ARFGAP3: variants seen among roughly 807,000 people sequenced by gnomAD.
The protein encoded by ARFGAP3 is ADP-ribosylation factor GTPase-activating protein 3.
In ARFGAP3, 72 loss-of-function variants were observed where a neutral mutation model predicts 75.0. That is an observed-to-expected ratio of 0.96 (90% confidence interval 0.79 to 1.17). ARFGAP3 has a LOEUF of 1.17. Among genes scored for constraint, ARFGAP3 ranks in the 50% most tolerant of loss-of-function variants. The pLI, the probability that ARFGAP3 is intolerant of heterozygous loss-of-function variation, is 0.00. For missense variants in ARFGAP3, 620 were observed against 626.6 expected, an observed-to-expected ratio of 0.99 and a Z score of 0.11; for synonymous variants, 221 against 217.9, an observed-to-expected ratio of 1.01 and a Z score of -0.13.
intron 5 of ARFGAP3, 82 bp downstream of exon 5, chr22:42,834,160 A>T: frequency 7.8e-7 from 1 of 1,288,786 alleles, no homozygotes; most frequent in Non-Finnish European, 1.1e-6. Flanking sequence ...AGCTTAGCCT[A>T]CATCCTAACA....
At chr22:42,830,336 T>A (rs1926230760) in intron 6 of ARFGAP3, among the ~76,000 whole-genome samples, 1 of 152,122 alleles carries the variant, frequency 6.6e-6, no homozygotes, top group African/African-American at 2.4e-5. Context: ...GCTGAGTGCC[T>A]CTCTCTCCTA....
In ARFGAP3 at chr22:42,833,871, G is replaced by A. The variant is rs530877726; in HGVS notation, c.477+371C>T. ...GCAGAGGTTGTAATGAGCTGAGATC[G>A]TGCCACTGCACTCCAGCCTGGGAAA... On this transcript the variant is annotated intron_variant, in intron 5 of 15. Coordinates refer to ENST00000263245, the MANE Select transcript of ARFGAP3 (RefSeq NM_014570.5). 1.1e-4 allele frequency among the ~76,000 whole-genome samples: 16 copies of A among 152,310 alleles called. No individual in the cohort carries two copies. In the South Asian group the frequency reaches 2.7e-3, roughly 26 times the overall value.
In ARFGAP3 at chr22:42,831,639, G is replaced by A; in HGVS notation, c.478-3C>T. On this transcript the variant is annotated splice_polypyrimidine_tract_variant and splice_region_variant and intron_variant, in intron 5 of 15. Transcript: ENST00000263245. ...GATGCCCACGCTGTGTCACTCACCT[G>A]AAACAAGGCGAGAAAAGTCATTAGC... is the stretch of plus-strand genomic sequence containing the variant. The A allele has an allele frequency of 3.7e-6, 6 of 1,613,810 alleles. No homozygotes were observed. Among genetic ancestry groups the A allele is most frequent in the Non-Finnish European group, 5.1e-6 (6 of 1,179,926 alleles).
chr22:42,817,980 A>G, intron 9 of ARFGAP3, 123 bp from the exon 10 acceptor site: 1 of 1,268,534 alleles, frequency 7.9e-7, no homozygotes, highest in East Asian at 2.9e-5. Flanking sequence ...ATAATTAACA[A>G]TTATGAAGGC....
chr22:42,841,562 CTGTAAGATCAAAT>C (rs1926781267), intron 2 of ARFGAP3, among the ~76,000 whole-genome samples: 1 of 152,186 alleles, frequency 6.6e-6, no homozygotes, highest in South Asian at 2.1e-4. Flanking sequence ...CTTCTCTCCA[CTGTAAGATCAAAT>C]CTGAAACAAG....
chr22:42,806,989 T>G (rs1925151662), intron 14 of ARFGAP3, 84 bp downstream of exon 14: 1 of 1,319,714 alleles, frequency 7.6e-7, no homozygotes, highest in Non-Finnish European at 1.0e-6. Flanking sequence ...TAAAATATCT[T>G]GGAAAAGGAA....
Position 42,826,972 on chromosome 22 carries a change from TC to T in ARFGAP3, c.592del (p.Glu198LysfsTer11). 6.2e-7 allele frequency: 1 copy of T among 1,613,726 alleles called. No individual in the cohort carries two copies. Among genetic ancestry groups the T allele is most frequent in the Non-Finnish European group, 8.5e-7 (1 of 1,179,906 alleles). On this transcript the variant is annotated frameshift_variant, in exon 7 of 16. Coordinates refer to ENST00000263245, the MANE Select transcript of ARFGAP3 (RefSeq NM_014570.5). LOFTEE classifies it high-confidence loss of function. ...EGGQEQGPSV[E>X]GLNVPTKATL... ...AGCCTTTGTTGGTACATTAAGACCT[TC>T]CACACTTGGTCCTTGCTCTTGTCCA...
rs1924655903 is a variant in ARFGAP3 at position 42,797,545 on chromosome 22, TA to T, written c.*42del. ...CCTGAGATGTGGTTACTTGTTCATT[TA>T]AAGAGGAATTTCTCCAGGAAATACA... On this transcript the variant is annotated 3_prime_UTR_variant, in exon 16 of 16. Transcript: ENST00000263245. The T allele has an allele frequency of 6.8e-6, 11 of 1,613,904 alleles. No individual in the cohort carries two copies. Among genetic ancestry groups the T allele is most frequent in the Non-Finnish European group, 9.3e-6 (11 of 1,179,842 alleles).
intron 11 of ARFGAP3, among the ~76,000 whole-genome samples, chr22:42,815,162 AC>A (rs1213391389): frequency 6.6e-6 from 1 of 152,204 alleles, no homozygotes; most frequent in Non-Finnish European, 1.5e-5. Flanking sequence ...GTTTCCTCTG[AC>A]CCAGACTTAG....
chr22:42,802,158 G>A (rs1473788631), intron 14 of ARFGAP3, among the ~76,000 whole-genome samples: 1 of 152,058 alleles, frequency 6.6e-6, no homozygotes, highest in Non-Finnish European at 1.5e-5. Flanking sequence ...GAGGCAGGAG[G>A]ACCAAGCAGC....
chr22:42,835,361 C>A lies in ARFGAP3; in HGVS notation c.393+1G>T, dbSNP rs1446194663. 20 of 1,613,742 alleles carry A rather than the reference C, an allele frequency of 1.2e-5. No individual in the cohort carries two copies. Among genetic ancestry groups the A allele is most frequent in the Non-Finnish European group, 1.7e-5 (20 of 1,179,858 alleles). ...AAACAATCCAGCCTCCAGTGACTTA[C>A]ATCAGTGCCATGCTTCCGTGTTGCT... is the stretch of plus-strand genomic sequence containing the variant. On this transcript the variant is annotated splice_donor_variant, in intron 4 of 15. Coordinates refer to ENST00000263245, the MANE Select transcript of ARFGAP3 (RefSeq NM_014570.5). LOFTEE classifies it high-confidence loss of function.
At chr22:42,854,552 G>A (rs1424955063) in intron 1 of ARFGAP3, among the ~76,000 whole-genome samples, 2 of 152,080 alleles carry the variant, frequency 1.3e-5, no homozygotes, top group African/African-American at 4.8e-5. Context: ...TTGAACCTGG[G>A]AGGAGGAGGT....
At chr22:42,805,490 C>T (rs1004501818) in intron 14 of ARFGAP3, among the ~76,000 whole-genome samples, 7 of 152,168 alleles carry the variant, frequency 4.6e-5, no homozygotes, top group Non-Finnish European at 1.0e-4. Flanking sequence ...CTGGAGGTCT[C>T]CAAAGGTGGC....
chr22:42,844,250 C>G (rs1315646302), intron 2 of ARFGAP3, among the ~76,000 whole-genome samples: 2 of 151,902 alleles, frequency 1.3e-5, no homozygotes, highest in Non-Finnish European at 2.9e-5. Context: ...GTCACCCAGA[C>G]TGAAGTGAAG....
rs1924637336 is a variant in ARFGAP3, at chr22:42,797,161, T to G, written c.*427A>C. 6.0e-6 allele frequency: 1 copy of G among 165,654 alleles called. No individual in the cohort carries two copies. The highest frequency in any genetic ancestry group is 2.4e-5 in the African/African-American group (1 of 41,782). 10.3% of individuals were successfully genotyped at this position (165,654 alleles called of 1,614,324 possible). ...CTTTTGGTCTTTTGAAGGAAGTGTG[T>G]GTGGTGAGTGTTGTTTCTGCAGGCC... is the stretch of plus-strand genomic sequence containing the variant. On this transcript the variant is annotated 3_prime_UTR_variant, in exon 16 of 16. Transcript: ENST00000263245.
At chr22:42,831,161 T>G (rs1926266230) in intron 6 of ARFGAP3, among the ~76,000 whole-genome samples, 1 of 151,830 alleles carries the variant, frequency 6.6e-6, no homozygotes, top group South Asian at 2.1e-4. Flanking sequence ...GCGGTGCATG[T>G]CTGTAATCCC....
At chr22:42,832,154 T>C (rs1926319307) in intron 5 of ARFGAP3, among the ~76,000 whole-genome samples, 1 of 138,582 alleles carries the variant, frequency 7.2e-6, no homozygotes, top group Non-Finnish European at 1.5e-5. Flanking sequence ...ATGTGCAAAT[T>C]ATAATAGCAA....
intron 1 of ARFGAP3, among the ~76,000 whole-genome samples, chr22:42,856,504 A>G (rs1398113584): frequency 6.6e-6 from 1 of 152,182 alleles, no homozygotes; most frequent in African/African-American, 2.4e-5. Flanking sequence ...TGGAGACAAA[A>G]AAAAAAAGGA....
intron 11 of ARFGAP3, among the ~76,000 whole-genome samples, chr22:42,814,588 G>C (rs1405396384): frequency 1.3e-5 from 2 of 152,192 alleles, no homozygotes; most frequent in Non-Finnish European, 2.9e-5. Context: ...AAGTCTGAAA[G>C]ATCCCTGAAG....
Sources: allele counts gnomAD v4.1 joint callset (sites outside exome capture counted in the v4.1 genomes callset), GRCh38; gene constraint gnomAD v4.1.1; transcripts MANE v1.5; gene names NCBI Gene and HGNC (gene_info 2026-07-23, HGNC 2026-07-21).